Variants in PYGB observed in about 807,000 individuals in gnomAD.
PYGB encodes glycogen phosphorylase, brain form.
PYGB carries 82 observed loss-of-function variants against 94.3 expected under a neutral mutation model. That is an observed-to-expected ratio of 0.87 (90% CI 0.73 to 1.04). The LOEUF (loss-of-function observed/expected upper bound fraction) is 1.04. Ranked by LOEUF, PYGB falls within the 50% of genes least tolerant of loss-of-function variation. PYGB has a pLI of 0.00. For synonymous variants in PYGB, 488 were observed against 479.1 expected, an observed-to-expected ratio of 1.02 and a Z score of -0.24; for missense variants, 1,132 against 1,158.2, an observed-to-expected ratio of 0.98 and a Z score of 0.33.
At chr20:25,284,701 T>C (rs1341938566) in intron 14 of PYGB, among the ~76,000 whole-genome samples, 3 of 152,266 alleles carry the variant, frequency 2.0e-5, no homozygotes, top group Non-Finnish European at 4.4e-5. Flanking sequence ...GCTGGGGTTA[T>C]AGGCATGAGC....
intron 8 of PYGB, 128 bp downstream of exon 8, chr20:25,278,590 T>C: frequency 1.5e-6 from 2 of 1,324,056 alleles, no homozygotes; most frequent in Non-Finnish European, 1.0e-6. Flanking sequence ...TGGGGTCTCG[T>C]CATTCTGGGC....
At chr20:25,292,133 C>G (rs1034388576) in intron 16 of PYGB, among the ~76,000 whole-genome samples, 1 of 152,216 alleles carries the variant, frequency 6.6e-6, no homozygotes, top group African/African-American at 2.4e-5. Context: ...TTTTGGTGCA[C>G]AGATCCTATG....
chr20:25,271,279 T>G lies in PYGB; in HGVS notation c.425-104T>G, dbSNP rs373925841. On this transcript the variant is annotated intron_variant, in intron 3 of 19. Transcript: ENST00000216962. ...TCCTCTCAGTGAAGCCTGAAGTCAGTGTGATCCCCTCTGAATTTCTGCCTT... is the reference window on the plus strand; with the variant it reads ...TCCTCTCAGTGAAGCCTGAAGTCAGGGTGATCCCCTCTGAATTTCTGCCTT... 9.8e-5 allele frequency: 101 copies of G among 1,035,672 alleles called. No homozygotes were observed. In the African/African-American group the frequency reaches 1.4e-3, roughly 14 times the overall value. The allele number at this position is 1,035,672 out of a possible 1,614,324, so 64.2% of individuals were successfully genotyped here.
Position 25,280,425 on chromosome 20 carries a change from C to A in PYGB, c.1239+13C>A. On this transcript the variant is annotated intron_variant, in intron 10 of 19. Transcript: ENST00000216962. ...GCGGCACCTGGACGTGAGTGTGGGC[C>A]CAGCTGGCCGTGTAGGGTGGCGGCT... 6.2e-7 allele frequency: 1 copy of A among 1,613,582 alleles called. No individual in the cohort carries two copies. Among genetic ancestry groups the A allele is most frequent in the South Asian group, 1.1e-5 (1 of 91,032 alleles).
chr20:25,281,874 G>A (rs116273245), intron 11 of PYGB, among the ~76,000 whole-genome samples, 159 bp from the exon 12 acceptor site: 1,935 of 148,752 alleles, frequency 0.013, 43 homozygotes, highest in African/African-American at 0.044. Flanking sequence ...GGCTCCCAGA[G>A]CCTGCAGCTG....
At chr20:25,279,896 C>A (rs968457130) in intron 9 of PYGB, among the ~76,000 whole-genome samples, 5 of 152,200 alleles carry the variant, frequency 3.3e-5, no homozygotes, top group African/African-American at 9.7e-5. Context: ...AACCAGTGTC[C>A]TCCCCACCAT....
chr20:25,271,399 A>C lies in PYGB; in HGVS notation c.441A>C (p.Ser147=), dbSNP rs2088266122. ...LGRLAACFLD[S]MATLGLAAYG... ...TTTTTTCAGCGTGTTTCCTTGACTC[A>C]ATGGCTACCTTGGGCCTGGCAGCAT... Residue 147 remains serine, a synonymous_variant, in exon 4 of 20, where the codon TCA becomes TCC. Transcript: ENST00000216962. 1 of 1,614,128 alleles carries C rather than the reference A, an allele frequency of 6.2e-7. No homozygotes were observed. The highest frequency in any genetic ancestry group is 1.3e-5 in the African/African-American group (1 of 75,020).
At chr20:25,270,687 G>C in intron 3 of PYGB, among the ~76,000 whole-genome samples, 1 of 152,042 alleles carries the variant, frequency 6.6e-6, no homozygotes, top group East Asian at 1.9e-4. Context: ...TAGAGACAGG[G>C]TCTCACTATG....
chr20:25,277,246 A>G lies in PYGB; in HGVS notation c.775A>G (p.Asn259Asp). ...APNDFKLQDF[N>D]VGDYIEAVLD... ...GACCCCGCTCCATTTCTTCTTAGTC[A>G]ACGTGGGAGACTACATCGAGGCGGT... The change falls in exon 7 of 20, where the codon AAC (asparagine) becomes GAC (aspartate). Residue 259 changes from asparagine (N) to aspartate (D), a missense_variant and splice_region_variant. Transcript: ENST00000216962. 6.4e-7 allele frequency: 1 copy of G among 1,560,568 alleles called. No individual in the cohort carries two copies. The highest frequency in any genetic ancestry group is 2.2e-5 in the East Asian group (1 of 44,616).
intron 2 of PYGB, among the ~76,000 whole-genome samples, 199 bp downstream of exon 2, chr20:25,259,537 C>T (rs530889499): frequency 7.2e-5 from 11 of 152,278 alleles, no homozygotes; most frequent in African/African-American, 2.6e-4. Context: ...AAGTAAGAAT[C>T]GAACGGACCG....
chr20:25,273,778 A>G (rs1016986974), intron 4 of PYGB, among the ~76,000 whole-genome samples: 1 of 152,172 alleles, frequency 6.6e-6, no homozygotes, highest in African/African-American at 2.4e-5. Context: ...GGGCGTCCTC[A>G]CTGCCAGCTG....
intron 7 of PYGB, among the ~76,000 whole-genome samples, chr20:25,277,529 C>A (rs1171185596): frequency 2.0e-5 from 3 of 152,172 alleles, no homozygotes; most frequent in Non-Finnish European, 4.4e-5. Flanking sequence ...AGCGGCTCTT[C>A]GTGTGCCTCT....
At chr20:25,268,507 T>C (rs1396434063) in intron 2 of PYGB, among the ~76,000 whole-genome samples, 1 of 152,172 alleles carries the variant, frequency 6.6e-6, no homozygotes, top group African/African-American at 2.4e-5. Flanking sequence ...TGTAATTTGA[T>C]AAATATCAAT....
intron 2 of PYGB, among the ~76,000 whole-genome samples, chr20:25,263,652 CCT>C (rs1270681254): frequency 6.6e-6 from 1 of 152,172 alleles, no homozygotes; most frequent in Non-Finnish European, 1.5e-5. Flanking sequence ...ACTATAAACA[CCT>C]CTATGCAAAT....
rs201940866 is a variant in PYGB at position 25,281,080 on chromosome 20, G to A, written c.1371G>A (p.Ala457=). 3.1e-5 allele frequency: 50 copies of A among 1,614,084 alleles called. No individual in the cohort carries two copies. The Middle Eastern group carries it at 8.2e-4, about 27-fold the overall frequency. The change falls in exon 11 of 20, where the codon GCG becomes GCA. Residue 457 remains alanine, a synonymous_variant. Transcript: ENST00000216962. The stretch of plus-strand genomic sequence containing the variant: ...GGTCCCATGCTGTCAATGGTGTGGC[G>A]AGGATCCACTCGGAGATCGTGAAAC... ...VIGSHAVNGV[A]RIHSEIVKQS...
chr20:25,290,409 A>G (rs1199785852), intron 15 of PYGB, 72 bp from the exon 16 acceptor site: 15 of 1,559,176 alleles, frequency 9.6e-6, no homozygotes, highest in East Asian at 6.8e-5. Context: ...TACAGACCCC[A>G]GGAACCAGGA....
chr20:25,259,704 C>T (rs1003204275), intron 2 of PYGB, among the ~76,000 whole-genome samples: 8 of 152,172 alleles, frequency 5.3e-5, no homozygotes, highest in Non-Finnish European at 8.8e-5. Context: ...TGGTTTCCCT[C>T]CCTCCACCCC....
intron 7 of PYGB, 113 bp downstream of exon 7, chr20:25,277,439 C>A: frequency 1.0e-6 from 1 of 993,344 alleles, no homozygotes; most frequent in Non-Finnish European, 1.5e-6. Context: ...TGGCAAGCAG[C>A]CACCTGGTGG....
At chr20:25,295,544 C>T (rs549740068) in intron 18 of PYGB, 60 bp from the exon 19 acceptor site, 72 of 1,542,426 alleles carry the variant, frequency 4.7e-5, no homozygotes, top group African/African-American at 8.2e-5. Context: ...ACTCTCCCCT[C>T]GGGACAGTGT....
Sources: allele counts gnomAD v4.1 joint callset (sites outside exome capture counted in the v4.1 genomes callset), GRCh38; gene constraint gnomAD v4.1.1; transcripts MANE v1.5; gene names NCBI Gene and HGNC (gene_info 2026-07-23, HGNC 2026-07-21).